Variants in NECTIN1 observed in about 807,000 individuals in gnomAD.
NECTIN1 encodes the protein nectin-1.
NECTIN1 carries 23 observed loss-of-function variants against 48.0 expected under a neutral mutation model. The ratio of observed to expected loss-of-function variants is 0.48; its 90% CI spans 0.34 to 0.68. NECTIN1 has a LOEUF of 0.68. NECTIN1 is among the 30% of genes least tolerant of loss of function. The pLI is 0.01. For missense variants in NECTIN1, 591 were observed against 709.9 expected (o/e 0.83, Z 1.90); for synonymous variants, 270 against 288.9 (o/e 0.93, Z 0.66).
At chr11:119,643,916 T>C (rs1274784230) in intron 5 of NECTIN1, among the ~76,000 whole-genome samples, 1 of 152,244 alleles carries the variant, frequency 6.6e-6, no homozygotes, top group Admixed American at 6.5e-5. Context: ...AGGTTGGCTA[T>C]GTGCCTCTTG....
intron 5 of NECTIN1, among the ~76,000 whole-genome samples, chr11:119,667,341 C>T (rs936682782): frequency 6.6e-6 from 1 of 152,072 alleles, no homozygotes; most frequent in African/African-American, 2.4e-5. Flanking sequence ...CACCTGCCTT[C>T]CTCTCTTCAT....
At chr11:119,669,675 C>A (rs1410416971) in intron 5 of NECTIN1, among the ~76,000 whole-genome samples, 6 of 152,156 alleles carry the variant, frequency 3.9e-5, no homozygotes, top group African/African-American at 7.2e-5. Flanking sequence ...CTACGCCCCG[C>A]CCCACCTCTG....
chr11:119,660,371 C>G (rs1387299925), downstream of NECTIN1, among the ~76,000 whole-genome samples: 1 of 151,840 alleles, frequency 6.6e-6, no homozygotes, highest in Non-Finnish European at 1.5e-5. Context: ...AAGACCTTCT[C>G]TCCAAACAAC....
At chr11:119,701,890 T>C (rs1321501171) in intron 1 of NECTIN1, among the ~76,000 whole-genome samples, 1 of 152,116 alleles carries the variant, frequency 6.6e-6, no homozygotes, top group Non-Finnish European at 1.5e-5. Flanking sequence ...GTCCCTCCAC[T>C]GCTCCAGGAA....
intron 1 of NECTIN1, among the ~76,000 whole-genome samples, chr11:119,682,676 A>G (rs1303059942): frequency 9.2e-5 from 14 of 152,190 alleles, no homozygotes; most frequent in Admixed American, 9.2e-4. Flanking sequence ...GTAAGGATTA[A>G]AAGAGGGAGT....
Position 119,662,730 on chromosome 11 carries a change from G to GA in NECTIN1, c.*2016dup. 2 of 984,628 alleles carry GA rather than the reference G, an allele frequency of 2.0e-6. No homozygotes were observed. The highest frequency in any genetic ancestry group is 4.7e-5 in the South Asian group (1 of 21,286). 61.0% of individuals were successfully genotyped at this position (984,628 alleles called of 1,614,324 possible). Reference sequence around the variant, plus strand: ...GTGGAAAAGGTCCCCTGTCCTGGGGGACACTAATACTGCTGGGAAAAGCAG... The same window carrying GA: ...GTGGAAAAGGTCCCCTGTCCTGGGGGAACACTAATACTGCTGGGAAAAGCAG... On this transcript the variant is annotated 3_prime_UTR_variant, in exon 6 of 6. Coordinates refer to ENST00000264025, the MANE Select transcript of NECTIN1 (RefSeq NM_002855.5). The surrounding 1 kb of genome is among the most constrained non-coding windows in gnomAD (Gnocchi z 5.3).
chr11:119,655,699 A>G (rs1188598405), intron 5 of NECTIN1, among the ~76,000 whole-genome samples: 3 of 152,202 alleles, frequency 2.0e-5, no homozygotes, highest in Admixed American at 2.0e-4. Context: ...TATTCTGTGT[A>G]GCTTCCCAGG....
chr11:119,728,513 C>G lies in NECTIN1; in HGVS notation c.41G>C (p.Trp14Ser). Residue 14 changes from tryptophan to serine, a missense_variant, in exon 1 of 6, where the codon TGG (tryptophan) becomes TCG (serine). Transcript: ENST00000264025. ...MGLAGAAGRW[W>S]GLALGLTAFF... The stretch of plus-strand genomic sequence containing the variant: ...TGCGGTCAAGCCGAGAGCGAGTCCC[C>G]ACCAGCGTCCAGCGGCGCCCGCAAG... 6.3e-7 allele frequency: 1 copy of G among 1,597,878 alleles called. No individual in the cohort carries two copies. Among genetic ancestry groups the G allele is most frequent in the Non-Finnish European group, 8.5e-7 (1 of 1,172,878 alleles).
chr11:119,651,687 G>A (rs774206661), intron 5 of NECTIN1, among the ~76,000 whole-genome samples: 15 of 152,062 alleles, frequency 9.9e-5, no homozygotes, highest in Non-Finnish European at 1.9e-4. Context: ...CACACACCAC[G>A]CTTCTCTGGA....
At chr11:119,642,997 T>C (rs908666269) in intron 5 of NECTIN1, 16 of 153,754 alleles carry the variant, frequency 1.0e-4, no homozygotes, top group African/African-American at 3.6e-4. Flanking sequence ...GAAGTGAGTC[T>C]GTGAATGCAC....
At chr11:119,649,246 T>C (rs1591439415) in intron 5 of NECTIN1, among the ~76,000 whole-genome samples, 1 of 150,070 alleles carries the variant, frequency 6.7e-6, no homozygotes, top group African/African-American at 2.5e-5. Context: ...CTGGGCATGG[T>C]GGCGTGCGCC....
At chr11:119,715,057 G>A (rs1364520112) in intron 1 of NECTIN1, among the ~76,000 whole-genome samples, 1 of 152,208 alleles carries the variant, frequency 6.6e-6, no homozygotes, top group Non-Finnish European at 1.5e-5. Flanking sequence ...GGAAGGGGGA[G>A]CTGGGGGCAG....
Position 119,648,974 on chromosome 11 carries a change from G to A in NECTIN1, c.1004-8962C>T, listed in dbSNP as rs137930326. On this transcript the variant is annotated intron_variant, in intron 5 of 7. Coordinates refer to the NECTIN1 transcript ENST00000341398. ...GGGTGGCAACAGCACTAGAGTAGAC[G>A]AGTGGGACTCCTGCCTCACTGGCAC... Among the ~76,000 whole-genome samples the A allele has an allele frequency of 1.6e-3, 249 of 152,310 alleles. 3 individuals carry two copies. The highest frequency in any genetic ancestry group is 5.8e-3 in the African/African-American group (242 of 41,566).
At chr11:119,679,544 C>A (rs982218441) in intron 1 of NECTIN1, among the ~76,000 whole-genome samples, 1 of 152,198 alleles carries the variant, frequency 6.6e-6, no homozygotes, top group South Asian at 2.1e-4. Flanking sequence ...CTTGGCAAGA[C>A]CTCCTTGCAC....
At chr11:119,707,081 C>A (rs533404715) in intron 1 of NECTIN1, among the ~76,000 whole-genome samples, 1 of 152,182 alleles carries the variant, frequency 6.6e-6, no homozygotes. Flanking sequence ...CCCACTACTG[C>A]CCCTGCTGGC....
intron 1 of NECTIN1, among the ~76,000 whole-genome samples, chr11:119,718,205 A>G (rs543743353): frequency 1.1e-4 from 17 of 152,094 alleles, no homozygotes; most frequent in Admixed American, 9.2e-4. Context: ...GACTGTCTGA[A>G]GTCAACTCCC....
At chr11:119,666,016 G>T (rs1006035310) in intron 5 of NECTIN1, among the ~76,000 whole-genome samples, 1 of 152,210 alleles carries the variant, frequency 6.6e-6, no homozygotes, top group Non-Finnish European at 1.5e-5. Context: ...TAGGGCTGTG[G>T]TTCTTGGCTG....
At chr11:119,689,899 GAGA>G (rs1032932303) in intron 1 of NECTIN1, among the ~76,000 whole-genome samples, 16 of 152,388 alleles carry the variant, frequency 1.0e-4, no homozygotes, top group African/African-American at 2.6e-4. Flanking sequence ...AAAGCAGCTT[GAGA>G]AGAAGAAGGT....
At position 119,662,412 on chromosome 11, in the gene NECTIN1, C is replaced by G. The variant is rs975697833; in HGVS notation, c.*2335G>C. The stretch of plus-strand genomic sequence containing the variant: ...GGCTGGGCCCCTGGCAAGTCAGGAG[C>G]CTCCTACGTGGCCCATGCTACATGG... On this transcript the variant is annotated 3_prime_UTR_variant, in exon 6 of 6. Transcript: ENST00000264025. The surrounding 1 kb of genome is among the most constrained non-coding windows in gnomAD (Gnocchi z 5.3). The G allele has an allele frequency of 1.0e-6, 1 of 985,732 alleles. No homozygotes were observed. The allele number at this position is 985,732 out of a possible 1,614,324, so 61.1% of individuals were successfully genotyped here.
Sources: allele counts gnomAD v4.1 joint callset (sites outside exome capture counted in the v4.1 genomes callset), GRCh38; gene constraint gnomAD v4.1.1; non-coding constraint Gnocchi (gnomAD v3.1); transcripts MANE v1.5; gene names NCBI Gene and HGNC (gene_info 2026-07-23, HGNC 2026-07-21).